Variants in TBC1D15 observed in about 807,000 individuals in gnomAD.
TBC1D15 encodes the protein TBC1 domain family member 15.
TBC1D15 carries 39 observed loss-of-function variants against 95.4 expected under a neutral mutation model. The observed-to-expected ratio is 0.41, with a 90% CI of 0.32 to 0.53. The LOEUF (loss-of-function observed/expected upper bound fraction) is 0.53. Among genes scored for constraint, TBC1D15 ranks in the 20% least tolerant of loss-of-function variants. The pLI is 0.29. For synonymous variants in TBC1D15, 258 were observed against 261.3 expected, an observed-to-expected ratio of 0.99 and a Z score of 0.12; for missense variants, 733 against 794.3, an observed-to-expected ratio of 0.92 and a Z score of 0.93.
At chr12:71,921,866 T>C (rs183787447) in intron 16 of TBC1D15, among the ~76,000 whole-genome samples, 10 of 152,308 alleles carry the variant, frequency 6.6e-5, no homozygotes, top group Admixed American at 2.0e-4. Context: ...TTAGTCAAGT[T>C]ATTAATTATT....
At chr12:71,922,191 TCTC>T (rs1225916668) in intron 16 of TBC1D15, among the ~76,000 whole-genome samples, 1 of 152,150 alleles carries the variant, frequency 6.6e-6, no homozygotes, top group Non-Finnish European at 1.5e-5. Context: ...TTCAGTCGAT[TCTC>T]CTGCCTCAGC....
intron 6 of TBC1D15, chr12:71,894,384 T>G: frequency 6.2e-7 from 1 of 1,612,704 alleles, no homozygotes. Context: ...AAGTAAGCAC[T>G]GCGTATGTTT....
chr12:71,844,564 G>A (rs1885847993), intron 1 of TBC1D15, among the ~76,000 whole-genome samples: 2 of 152,086 alleles, frequency 1.3e-5, no homozygotes, highest in Admixed American at 1.3e-4. Context: ...CCTAAATCTA[G>A]GTAAGATAGC....
Position 71,907,091 on chromosome 12 carries a change from T to C in TBC1D15, c.1253T>C (p.Leu418Ser). 6.2e-7 allele frequency: 1 copy of C among 1,611,954 alleles called. No homozygotes were observed. Among genetic ancestry groups the C allele is most frequent in the South Asian group, 1.1e-5 (1 of 90,764 alleles). ...YEGQDNPGLI[L>S]LHDILMTYCM... ...GGCCAAGATAATCCAGGGTTGATTTTACTTCATGACATTTTGATGACCTAC... is the reference window on the plus strand; with the variant it reads ...GGCCAAGATAATCCAGGGTTGATTTCACTTCATGACATTTTGATGACCTAC... Residue 418 changes from leucine (L) to serine (S), a missense_variant, in exon 11 of 17, where the codon TTA (leucine) becomes TCA (serine). Coordinates refer to ENST00000485960, the MANE Select transcript of TBC1D15 (RefSeq NM_001146213.3).
At chr12:71,905,093 A>G (rs1188130425) in intron 10 of TBC1D15, among the ~76,000 whole-genome samples, 3 of 152,152 alleles carry the variant, frequency 2.0e-5, no homozygotes, top group Admixed American at 1.3e-4. Context: ...TAACATTTTT[A>G]TATATTACTT....
intron 1 of TBC1D15, chr12:71,854,643 T>C (rs2468335): frequency 0.088 from 40,107 of 456,612 alleles, 2,087 homozygotes; most frequent in South Asian, 0.14. Context: ...TTTGGATAGC[T>C]GAAGGTCATC....
chr12:71,921,671 G>A (rs972022207), intron 16 of TBC1D15, among the ~76,000 whole-genome samples: 2 of 152,098 alleles, frequency 1.3e-5, no homozygotes, highest in African/African-American at 2.4e-5. Context: ...AGGCAAAATG[G>A]TAAAAGTAAT....
In TBC1D15 at chr12:71,880,677, A is replaced by T. The variant is rs1460772000; in HGVS notation, c.343+70A>T. 6 of 1,469,186 alleles carry T rather than the reference A, an allele frequency of 4.1e-6. No individual in the cohort carries two copies. In the East Asian group the frequency reaches 1.4e-4, roughly 35 times the overall value. 91.0% of individuals were successfully genotyped at this position (1,469,186 alleles called of 1,614,324 possible). A position where few individuals can be genotyped will look rare whatever the true frequency, so the allele number is the denominator to read the frequency against. On this transcript the variant is annotated intron_variant, in intron 4 of 16. Coordinates refer to ENST00000485960, the MANE Select transcript of TBC1D15 (RefSeq NM_001146213.3). ...ATACTAATAAACAAAAATGCAAAGA[A>T]GATTCGTGAATGCTCCTCAGTGAGA...
intron 1 of TBC1D15, among the ~76,000 whole-genome samples, chr12:71,843,087 C>G (rs1284773760): frequency 6.6e-6 from 1 of 151,924 alleles, no homozygotes; most frequent in African/African-American, 2.4e-5. Flanking sequence ...GAGTTTGAGA[C>G]CAGCCTGGCC....
intron 8 of TBC1D15, 125 bp from the exon 9 acceptor site, chr12:71,896,552 T>C (rs1898223267): frequency 8.0e-6 from 6 of 745,640 alleles, no homozygotes; most frequent in Middle Eastern, 4.0e-4. Flanking sequence ...ATTCACTGAA[T>C]TGAACTATTT....
chr12:71,897,786 A>T, intron 9 of TBC1D15, 61 bp from the exon 10 acceptor site: 3 of 1,261,080 alleles, frequency 2.4e-6, no homozygotes, highest in South Asian at 2.5e-5. Context: ...AAACCCAATT[A>T]AACAGTGTTA....
chr12:71,852,775 C>A (rs1010351081), intron 1 of TBC1D15, among the ~76,000 whole-genome samples: 1 of 152,154 alleles, frequency 6.6e-6, no homozygotes, highest in Non-Finnish European at 1.5e-5. Context: ...CCCAGTAGTT[C>A]CTCATTTCCA....
intron 1 of TBC1D15, among the ~76,000 whole-genome samples, chr12:71,864,760 CT>C (rs1410338818): frequency 1.3e-5 from 2 of 152,192 alleles, no homozygotes; most frequent in Admixed American, 1.3e-4. Context: ...CTGCCTTGGC[CT>C]CCCAAACTGC....
intron 4 of TBC1D15, among the ~76,000 whole-genome samples, chr12:71,883,005 A>G (rs1429046209): frequency 6.6e-6 from 1 of 152,160 alleles, no homozygotes; most frequent in Non-Finnish European, 1.5e-5. Context: ...TTCATATAGC[A>G]TACATATAGT....
At chr12:71,859,426 G>A (rs546633904) in intron 1 of TBC1D15, among the ~76,000 whole-genome samples, 14 of 152,080 alleles carry the variant, frequency 9.2e-5, no homozygotes, top group African/African-American at 3.1e-4. Flanking sequence ...TGTTTCCTAT[G>A]CTATGCAGAA....
At position 71,913,888 on chromosome 12, in the gene TBC1D15, G is replaced by T; in HGVS notation, c.1363G>T (p.Asp455Tyr). The change falls in exon 12 of 17, where the codon GAT becomes TAT. Residue 455 changes from aspartate to tyrosine, a missense_variant. By Grantham distance (160) the Asp-to-Tyr change is radical. Transcript: ENST00000485960. ...PLLYVMENEV[D>Y]AFWCFASYMD... is the part of the protein sequence containing the mutation. Reference sequence around the variant, plus strand: ...TTTATATGTGATGGAAAATGAAGTGGATGCCTTTTGGTGCTTTGCCTCTTA... The same window carrying T: ...TTTATATGTGATGGAAAATGAAGTGTATGCCTTTTGGTGCTTTGCCTCTTA... The T allele has an allele frequency of 1.9e-6, 3 of 1,596,386 alleles. No homozygotes were observed. Among genetic ancestry groups the T allele is most frequent in the Non-Finnish European group, 2.6e-6 (3 of 1,174,006 alleles).
In TBC1D15 at chr12:71,877,111, G is replaced by GT. The variant is rs947488479; in HGVS notation, c.205-3353dup. Among the ~76,000 whole-genome samples the GT allele has an allele frequency of 7.8e-4, 118 of 151,564 alleles. 1 individual carries two copies. Among genetic ancestry groups the GT allele is most frequent in the African/African-American group, 2.8e-3 (116 of 41,364 alleles). ...CAGACGTGAGCCACTGTGCCTGGCT[G>GT]TTTTTGAAGTTTTGCCTCAGGTTTT... On this transcript the variant is annotated intron_variant, in intron 3 of 16. Coordinates refer to ENST00000485960, the MANE Select transcript of TBC1D15 (RefSeq NM_001146213.3).
chr12:71,883,854 A>G (rs962345650), intron 4 of TBC1D15, among the ~76,000 whole-genome samples: 2 of 152,186 alleles, frequency 1.3e-5, no homozygotes, highest in Non-Finnish European at 2.9e-5. Context: ...AAGAACTAGC[A>G]TCATTAGTGA....
At chr12:71,856,274 G>C (rs1351476310) in intron 1 of TBC1D15, among the ~76,000 whole-genome samples, 1 of 152,112 alleles carries the variant, frequency 6.6e-6, no homozygotes, top group Non-Finnish European at 1.5e-5. Context: ...TAGACTTTTA[G>C]TAATATCTCA....
Sources: allele counts gnomAD v4.1 joint callset (sites outside exome capture counted in the v4.1 genomes callset), GRCh38; gene constraint gnomAD v4.1.1; transcripts MANE v1.5; gene names NCBI Gene and HGNC (gene_info 2026-07-23, HGNC 2026-07-21).